MYO3B: variants seen among roughly 807,000 people sequenced by gnomAD.
The protein encoded by MYO3B is myosin-IIIb.
MYO3B carries 156 observed loss-of-function variants against 174.6 expected under a neutral mutation model. The observed-to-expected ratio is 0.89, with a 90% CI of 0.78 to 1.02. MYO3B has a LOEUF of 1.02. MYO3B is among the 50% of genes least tolerant of loss of function. The probability of loss-of-function intolerance (pLI) is 0.00; values close to 1 mark genes in which losing one functional copy is unlikely to be tolerated. For missense variants in MYO3B, 1,632 were observed against 1,639.4 expected, an observed-to-expected ratio of 1.00 and a Z score of 0.08; for synonymous variants, 563 against 569.1, an observed-to-expected ratio of 0.99 and a Z score of 0.15.
chr2:170,200,196 T>G lies in MYO3B; in HGVS notation c.233T>G (p.Leu78Arg). 1 of 1,613,566 alleles carries G rather than the reference T, an allele frequency of 6.2e-7. No individual in the cohort carries two copies. Among genetic ancestry groups the G allele is most frequent in the Non-Finnish European group, 8.5e-7 (1 of 1,179,664 alleles). The change falls in exon 3 of 35, where the codon CTT becomes CGT. Residue 78 changes from leucine to arginine, a missense_variant. By Grantham distance (102) the Leu-to-Arg change is moderately radical. Coordinates refer to ENST00000408978, the MANE Select transcript of MYO3B (RefSeq NM_138995.5). The part of the protein sequence containing the change: ...IEAEYNILQF[L>R]PNHPNVVKFY... ...GCAGAATACAACATTTTGCAGTTCCTTCCTAATCATCCCAATGTTGTAAAG... is the reference window on the plus strand; with the variant it reads ...GCAGAATACAACATTTTGCAGTTCCGTCCTAATCATCCCAATGTTGTAAAG...
chr2:170,538,809 G>A (rs1031695121), intron 30 of MYO3B, among the ~76,000 whole-genome samples: 1 of 152,176 alleles, frequency 6.6e-6, no homozygotes, highest in Non-Finnish European at 1.5e-5. Flanking sequence ...CGCCAATGGA[G>A]CCCTAGAAAT....
chr2:170,444,663 A>G (rs2094827288), intron 23 of MYO3B, among the ~76,000 whole-genome samples: 1 of 152,240 alleles, frequency 6.6e-6, no homozygotes, highest in Non-Finnish European at 1.5e-5. Context: ...CAATTTGGCC[A>G]CACGTTAATA....
At chr2:170,299,569 C>T (rs2093652254) in intron 7 of MYO3B, among the ~76,000 whole-genome samples, 2 of 152,118 alleles carry the variant, frequency 1.3e-5, no homozygotes, top group Admixed American at 6.5e-5. Flanking sequence ...TTAATCTTTT[C>T]CAAAAGCCTG....
intron 22 of MYO3B, among the ~76,000 whole-genome samples, chr2:170,417,294 C>A (rs1332296900): frequency 1.3e-5 from 2 of 152,204 alleles, no homozygotes; most frequent in Non-Finnish European, 2.9e-5. Flanking sequence ...TCCCTGCCCC[C>A]ACTCCATGCT....
At chr2:170,354,277 T>C (rs1206586925) in intron 8 of MYO3B, among the ~76,000 whole-genome samples, 1 of 152,228 alleles carries the variant, frequency 6.6e-6, no homozygotes, top group East Asian at 1.9e-4. Context: ...TTCCTTTTTT[T>C]TGTTCTGTTT....
At chr2:170,394,115 T>C (rs574211006) in intron 16 of MYO3B, among the ~76,000 whole-genome samples, 1 of 152,158 alleles carries the variant, frequency 6.6e-6, no homozygotes, top group Non-Finnish European at 1.5e-5. Flanking sequence ...TTGTTTTCTT[T>C]GAGTACAAAT....
intron 12 of MYO3B, chr2:170,384,033 C>T: frequency 2.0e-6 from 1 of 493,296 alleles, no homozygotes; most frequent in Non-Finnish European, 3.6e-6. Context: ...AAAACAGTCA[C>T]ATGAGGTGCG....
At chr2:170,435,258 T>C (rs2094744170) in intron 22 of MYO3B, among the ~76,000 whole-genome samples, 1 of 152,154 alleles carries the variant, frequency 6.6e-6, no homozygotes, top group East Asian at 1.9e-4. Context: ...TCTTTCAAAG[T>C]GAGGGCCTTT....
chr2:170,248,602 G>A (rs1218487756), intron 7 of MYO3B, among the ~76,000 whole-genome samples: 1 of 152,146 alleles, frequency 6.6e-6, no homozygotes, highest in Non-Finnish European at 1.5e-5. Flanking sequence ...GCTTCTAGAA[G>A]TTGCCTGGAT....
At chr2:170,473,321 T>C (rs1685103480) in intron 25 of MYO3B, among the ~76,000 whole-genome samples, 1 of 151,506 alleles carries the variant, frequency 6.6e-6, no homozygotes, top group African/African-American at 2.4e-5. Flanking sequence ...TTTTTTGTAT[T>C]TTTTTTAGTA....
intron 32 of MYO3B, among the ~76,000 whole-genome samples, chr2:170,551,670 C>A (rs2355890): frequency 4.6e-5 from 7 of 151,576 alleles, no homozygotes; most frequent in African/African-American, 9.7e-5. Context: ...GTCTTAATCC[C>A]CAATCCAATT....
At chr2:170,395,090 G>T (rs1222133772) in intron 16 of MYO3B, among the ~76,000 whole-genome samples, 1 of 152,142 alleles carries the variant, frequency 6.6e-6, no homozygotes, top group East Asian at 1.9e-4. Flanking sequence ...TCAGGAGCAT[G>T]AATTTTAATT....
chr2:170,636,149 T>C (rs905935560), intron 32 of MYO3B, among the ~76,000 whole-genome samples: 1 of 152,180 alleles, frequency 6.6e-6, no homozygotes, highest in African/African-American at 2.4e-5. Context: ...GAAGCATGTG[T>C]GTTACGATCT....
chr2:170,352,541 T>C lies in MYO3B; in HGVS notation c.816-16681T>C, dbSNP rs575452417. 1.5e-3 allele frequency among the ~76,000 whole-genome samples: 226 copies of C among 152,310 alleles called. 2 individuals are homozygous for C. The highest frequency in any genetic ancestry group is 6.8e-3 in the Admixed American group (104 of 15,304). On this transcript the variant is annotated intron_variant, in intron 8 of 34. Transcript: ENST00000408978. ...TCAGGCAGTCAGTTTTTCCCAAGATTTCCAGTACATAAGCAGTGGTGTACT... is the reference window on the plus strand; with the variant it reads ...TCAGGCAGTCAGTTTTTCCCAAGATCTCCAGTACATAAGCAGTGGTGTACT...
chr2:170,536,500 T>A (rs1355509962), intron 30 of MYO3B, among the ~76,000 whole-genome samples: 1 of 152,224 alleles, frequency 6.6e-6, no homozygotes, highest in African/African-American at 2.4e-5. Flanking sequence ...GAAAAAGTAA[T>A]ACAAAAGGTG....
At chr2:170,367,831 A>G (rs1005152749) in intron 8 of MYO3B, among the ~76,000 whole-genome samples, 6 of 152,190 alleles carry the variant, frequency 3.9e-5, no homozygotes, top group South Asian at 2.1e-4. Flanking sequence ...CCCTGAACCT[A>G]TAAAAGTCAA....
At chr2:170,422,436 T>C (rs2105859619) in intron 22 of MYO3B, among the ~76,000 whole-genome samples, 1 of 150,662 alleles carries the variant, frequency 6.6e-6, no homozygotes, top group East Asian at 2.0e-4. Flanking sequence ...TGCTATACAA[T>C]GAAATGTAAA....
intron 1 of MYO3B, among the ~76,000 whole-genome samples, chr2:170,197,406 C>T (rs2092612919): frequency 6.6e-6 from 1 of 152,192 alleles, no homozygotes; most frequent in African/African-American, 2.4e-5. Context: ...TTTGTTCCTT[C>T]ACCATTTGGC....
rs75621166 is a variant in MYO3B at position 170,533,785 on chromosome 2, T to C, written c.3576-9121T>C. Among the ~76,000 whole-genome samples the C allele has an allele frequency of 9.5e-3, 1,442 of 152,348 alleles. 50 individuals are homozygous for C. The East Asian group carries it at 0.1, about 11-fold the overall frequency. On this transcript the variant is annotated intron_variant, in intron 30 of 34. Transcript: ENST00000408978. ...TAACTTCTGACTATATATGCATCTT[T>C]AATTTAATTATTTTAAAACCTTGTC...
Sources: gnomAD v4.1 joint callset for allele counts (sites outside exome capture counted in the v4.1 genomes callset) on GRCh38, gnomAD v4.1.1 for gene constraint, MANE v1.5 for transcripts, NCBI Gene and HGNC (gene_info 2026-07-23, HGNC 2026-07-21) for gene names.